The following ZNF513 variants were observed in gnomAD, a reference collection of about 807,000 sequenced individuals.
ZNF513 encodes the protein zinc finger protein 513.
A neutral mutation model predicts 39.7 loss-of-function variants in ZNF513; 16 were observed. The ratio of observed to expected loss-of-function variants is 0.40; its 90% CI spans 0.27 to 0.61. The LOEUF (loss-of-function observed/expected upper bound fraction) is 0.61, where lower values mean the gene tolerates loss of function less well. ZNF513 is among the 20% of genes least tolerant of loss of function. The probability of loss-of-function intolerance (pLI) is 0.39; values close to 1 mark genes in which losing one functional copy is unlikely to be tolerated. For missense variants in ZNF513, 699 were observed against 743.6 expected (o/e 0.94, Z 0.70); for synonymous variants, 348 against 296.5 (o/e 1.17, Z -1.79).
chr2:27,377,584 C>T lies in ZNF513; in HGVS notation c.1587G>A (p.Gly529=), dbSNP rs768272568. The T allele has an allele frequency of 9.3e-6, 15 of 1,614,082 alleles. No individual in the cohort carries two copies. The highest frequency in any genetic ancestry group is 1.3e-5 in the Non-Finnish European group (15 of 1,180,028). ...TGTGGACAGCCCGGCTGCCAGCAGT[C>T]CCCAGGGCTGGTGGGCCCCGAGAGC... The part of the protein sequence containing the change: ...VLSSRGPPAL[G]TAGSRAVHTD... Residue 529 remains glycine (G), a synonymous_variant, in exon 4 of 4, where the codon GGG becomes GGA. Coordinates refer to ENST00000323703, the MANE Select transcript of ZNF513 (RefSeq NM_144631.6). This position sits in a 1 kb window ranked among gnomAD's most constrained non-coding sequence, Gnocchi z 4.4.
rs1683353954 is a variant in ZNF513 at position 27,377,333 on chromosome 2, G to A, written c.*212C>T. 5.7e-6 allele frequency: 4 copies of A among 699,042 alleles called. No homozygotes were observed. The highest frequency in any genetic ancestry group is 1.0e-5 in the Non-Finnish European group (4 of 384,774). 43.3% of individuals were successfully genotyped at this position (699,042 alleles called of 1,614,324 possible). A position where few individuals can be genotyped will look rare whatever the true frequency, so the allele number is the denominator to read the frequency against. ...AGCCGGTTTGTCCACAGCCCCTGGG[G>A]GCAGTGGAGGTGAATACAGGGCCCT... On this transcript the variant is annotated 3_prime_UTR_variant, in exon 4 of 4. Coordinates refer to ENST00000323703, the MANE Select transcript of ZNF513 (RefSeq NM_144631.6). The surrounding 1 kb of genome is among the most constrained non-coding windows in gnomAD (Gnocchi z 4.4).
At chr2:27,379,982 A>T (rs112889370) in intron 2 of ZNF513, 111 bp downstream of exon 2, 21,177 of 1,431,626 alleles carry the variant, frequency 0.015, 194 homozygotes, top group Non-Finnish European at 0.018. Context: ...AATGTAAACT[A>T]AACCAGCCCT....
chr2:27,379,809 G>A (rs1280309238), intron 2 of ZNF513, among the ~76,000 whole-genome samples: 1 of 152,146 alleles, frequency 6.6e-6, no homozygotes, highest in African/African-American at 2.4e-5. Context: ...ATACACATAA[G>A]GAATGGGCTA....
At position 27,378,890 on chromosome 2, in the gene ZNF513, G is replaced by GC; in HGVS notation, c.375dup (p.Pro126AlafsTer4). On this transcript the variant is annotated frameshift_variant, in exon 3 of 4. Coordinates refer to ENST00000323703, the MANE Select transcript of ZNF513 (RefSeq NM_144631.6). LOFTEE classifies it high-confidence loss of function. The surrounding 1 kb of genome is among the most constrained non-coding windows in gnomAD (Gnocchi z 8.0). ...CCACAACACGGCCCCTCACCTGTCG[G>GC]CCCCCCACACAGCTGGCAGGCTGGG... is the stretch of plus-strand genomic sequence containing the variant. The GC allele has an allele frequency of 2.5e-6, 4 of 1,602,970 alleles. No individual in the cohort carries two copies. The highest frequency in any genetic ancestry group is 2.6e-6 in the Non-Finnish European group (3 of 1,174,564).
chr2:27,379,658 A>G (rs934049153), intron 2 of ZNF513, among the ~76,000 whole-genome samples: 2 of 152,218 alleles, frequency 1.3e-5, no homozygotes, highest in Non-Finnish European at 2.9e-5. Context: ...GAAGAGGGAC[A>G]TGGAAGGATA....
chr2:27,378,361 G>T lies in ZNF513; in HGVS notation c.810C>A (p.Leu270=). 6.2e-7 allele frequency: 1 copy of T among 1,603,554 alleles called. No individual in the cohort carries two copies. Among genetic ancestry groups the T allele is most frequent in the South Asian group, 1.1e-5 (1 of 91,070 alleles). ...GCACATGGAGGCTCAAATCTGGAAG[G>T]AGCAGAGCATCTGTGGGGACAAAGA... ...AVPRRPEDAL[L]LPDLSLHVPP... The change falls in exon 4 of 4, where the codon CTC becomes CTA. Residue 270 remains leucine, a synonymous_variant. Transcript: ENST00000323703. The surrounding 1 kb of genome is among the most constrained non-coding windows in gnomAD (Gnocchi z 8.0).
chr2:27,378,828 TGGGGGCAGCAGG>T lies in ZNF513; in HGVS notation c.426_437del (p.Leu143_Pro146del), dbSNP rs1156565882. ...AGAGGCGGCATGAGTACAGTAGCCG[TGGGGGCAGCAGG>T]GGCCCCCCACCCGGCCCTCCTGCCC... On this transcript the variant is annotated inframe_deletion, in exon 3 of 4. Coordinates refer to ENST00000323703, the MANE Select transcript of ZNF513 (RefSeq NM_144631.6). This position sits in a 1 kb window ranked among gnomAD's most constrained non-coding sequence, Gnocchi z 8.0. 6.2e-7 allele frequency: 1 copy of T among 1,611,588 alleles called. No homozygotes were observed. Among genetic ancestry groups the T allele is most frequent in the Non-Finnish European group, 8.5e-7 (1 of 1,179,000 alleles).
Position 27,378,828 on chromosome 2 carries a change from T to C in ZNF513, c.438A>G (p.Pro146=). Residue 146 remains proline (P), a synonymous_variant, in exon 3 of 4, where the codon CCA becomes CCG. Coordinates refer to ENST00000323703, the MANE Select transcript of ZNF513 (RefSeq NM_144631.6). The surrounding 1 kb of genome is among the most constrained non-coding windows in gnomAD (Gnocchi z 8.0). ...AGAGGCGGCATGAGTACAGTAGCCG[T>C]GGGGGCAGCAGGGGCCCCCCACCCG... ...GGPGGGPLLP[P]RLLYSCRLCT... 6.2e-7 allele frequency: 1 copy of C among 1,611,706 alleles called. No homozygotes were observed. The highest frequency in any genetic ancestry group is 8.5e-7 in the Non-Finnish European group (1 of 1,178,992).
Position 27,378,358 on chromosome 2 carries a change from A to G in ZNF513, c.813T>C (p.Leu271=). ...VPRRPEDALL[L]PDLSLHVPPG... is the part of the protein sequence containing the mutation. The stretch of plus-strand genomic sequence containing the variant: ...GTGGCACATGGAGGCTCAAATCTGG[A>G]AGGAGCAGAGCATCTGTGGGGACAA... The change falls in exon 4 of 4, where the codon CTT becomes CTC. Residue 271 remains leucine, a synonymous_variant. Transcript: ENST00000323703. This position sits in a 1 kb window ranked among gnomAD's most constrained non-coding sequence, Gnocchi z 8.0. 2 of 1,603,354 alleles carry G rather than the reference A, an allele frequency of 1.2e-6. No individual in the cohort carries two copies. Among genetic ancestry groups the G allele is most frequent in the Non-Finnish European group, 1.7e-6 (2 of 1,179,968 alleles).
chr2:27,379,054 C>T lies in ZNF513; in HGVS notation c.212G>A (p.Gly71Glu), dbSNP rs1683494622. ...QLMGFERDSE[G>E]DSLGARPGLP... ...CCCAGGCCTGGCCCCCAGAGAGTCT[C>T]CTGGTGAAATAGACATAAGAAGAGA... The change falls in exon 3 of 4, where the codon GGA (glycine) becomes GAA (glutamate). Residue 71 changes from glycine (G) to glutamate (E), a missense_variant and splice_region_variant. By Grantham distance (98) the Gly-to-Glu change is moderately conservative. This residue lies in a region of ZNF513 where 530 missense variants were observed against 499.3 expected (regional missense o/e 1.06). Coordinates refer to ENST00000323703, the MANE Select transcript of ZNF513 (RefSeq NM_144631.6). 3 of 1,612,370 alleles carry T rather than the reference C, an allele frequency of 1.9e-6. No individual in the cohort carries two copies. The highest frequency in any genetic ancestry group is 2.7e-5 in the African/African-American group (2 of 74,894).
rs61740138 is a variant in ZNF513, at chr2:27,378,293, C to G, written c.878G>C (p.Arg293Pro). ...ASFLPDCGQL[R>P]GEGEGLCGTG... ...CCCGCAGAGGCCCTCCCCTTCACCC[C>G]GCAGCTGCCCACAGTCTGGCAGGAA... is the stretch of plus-strand genomic sequence containing the variant. The change falls in exon 4 of 4, where the codon CGG becomes CCG. Residue 293 changes from arginine to proline, a missense_variant. This residue lies in a region of ZNF513 where 530 missense variants were observed against 499.3 expected (regional missense o/e 1.06). Transcript: ENST00000323703. The surrounding 1 kb of genome is among the most constrained non-coding windows in gnomAD (Gnocchi z 8.0). 7.5e-6 allele frequency: 12 copies of G among 1,600,912 alleles called. No individual in the cohort carries two copies. Among genetic ancestry groups the G allele is most frequent in the Non-Finnish European group, 1.0e-5 (12 of 1,179,962 alleles).
rs200014450 is a variant in ZNF513, at chr2:27,378,888, C to T, written c.378G>A (p.Pro126=). The T allele has an allele frequency of 2.6e-5, 42 of 1,602,376 alleles. No homozygotes were observed. The highest frequency in any genetic ancestry group is 3.2e-5 in the Non-Finnish European group (37 of 1,174,236). The part of the protein sequence containing the change: ...PGPACQLCGG[P]TGEGPCCGAG... ...CCCCACAACACGGCCCCTCACCTGT[C>T]GGCCCCCCACACAGCTGGCAGGCTG... is the stretch of plus-strand genomic sequence containing the variant. The change falls in exon 3 of 4, where the codon CCG becomes CCA. Residue 126 remains proline, a synonymous_variant. Coordinates refer to ENST00000323703, the MANE Select transcript of ZNF513 (RefSeq NM_144631.6). This position sits in a 1 kb window ranked among gnomAD's most constrained non-coding sequence, Gnocchi z 8.0.
chr2:27,377,562 G>A lies in ZNF513; in HGVS notation c.1609C>T (p.His537Tyr), dbSNP rs745760953. ...GACCTAGTTCAGGATGAGTCTGTGT[G>A]GACAGCCCGGCTGCCAGCAGTCCCC... ...ALGTAGSRAVHTDSS is the reference protein window; with the variant it reads ...ALGTAGSRAVYTDSS The change falls in exon 4 of 4, where the codon CAC (histidine) becomes TAC (tyrosine). Residue 537 changes from histidine (H) to tyrosine (Y), a missense_variant. By Grantham distance (83) the His-to-Tyr change is moderately conservative (BLOSUM62 2). This residue lies in a region of ZNF513 where 71 missense variants were observed against 64.1 expected (regional missense o/e 1.11). Coordinates refer to ENST00000323703, the MANE Select transcript of ZNF513 (RefSeq NM_144631.6). This position sits in a 1 kb window ranked among gnomAD's most constrained non-coding sequence, Gnocchi z 4.4. 3.1e-6 allele frequency: 5 copies of A among 1,613,950 alleles called. No homozygotes were observed. Among genetic ancestry groups the A allele is most frequent in the Non-Finnish European group, 4.2e-6 (5 of 1,180,042 alleles).
chr2:27,379,084 A>C, intron 2 of ZNF513, 30 bp from the exon 3 acceptor site: 1 of 1,603,426 alleles, frequency 6.2e-7, no homozygotes, highest in East Asian at 2.2e-5. Context: ...AAGAGACATC[A>C]GCATAGGGTA....
chr2:27,377,431 G>T lies in ZNF513; in HGVS notation c.*114C>A. 1 of 1,190,106 alleles carries T rather than the reference G, an allele frequency of 8.4e-7. No homozygotes were observed. Among genetic ancestry groups the T allele is most frequent in the Non-Finnish European group, 1.2e-6 (1 of 821,106 alleles). The allele number at this position is 1,190,106 out of a possible 1,614,324, so 73.7% of individuals were successfully genotyped here. A position where few individuals can be genotyped will look rare whatever the true frequency, so the allele number is the denominator to read the frequency against. The stretch of plus-strand genomic sequence containing the variant: ...CCATATGGGCCCCCCCGCCCATGGG[G>T]TTGGGCTGGTCCTTATAGTGCCTAC... On this transcript the variant is annotated 3_prime_UTR_variant, in exon 4 of 4. Coordinates refer to ENST00000323703, the MANE Select transcript of ZNF513 (RefSeq NM_144631.6). This position sits in a 1 kb window ranked among gnomAD's most constrained non-coding sequence, Gnocchi z 4.4.
chr2:27,378,281 T>C lies in ZNF513; in HGVS notation c.890A>G (p.Glu297Gly). Residue 297 changes from glutamate to glycine, a missense_variant, in exon 4 of 4, where the codon GAG becomes GGG. By Grantham distance (98) the Glu-to-Gly change is moderately conservative. Transcript: ENST00000323703. The surrounding 1 kb of genome is among the most constrained non-coding windows in gnomAD (Gnocchi z 8.0). Reference sequence around the variant, plus strand: ...TTCTGATCCAGTCCCGCAGAGGCCCTCCCCTTCACCCCGCAGCTGCCCACA... The same window carrying C: ...TTCTGATCCAGTCCCGCAGAGGCCCCCCCCTTCACCCCGCAGCTGCCCACA... Reference protein sequence around the residue: ...PDCGQLRGEGEGLCGTGSEPL... With the variant: ...PDCGQLRGEGGGLCGTGSEPL... 6.2e-7 allele frequency: 1 copy of C among 1,600,876 alleles called. No homozygotes were observed. Among genetic ancestry groups the C allele is most frequent in the Non-Finnish European group, 8.5e-7 (1 of 1,179,906 alleles).
At position 27,379,004 on chromosome 2, in the gene ZNF513, C is replaced by T; in HGVS notation, c.262G>A (p.Glu88Lys). Reference sequence around the variant, plus strand: ...CTTAGTGCCCGGCCGCCCCCAGACTCATCGTCGCTCAGCCCATAGGGAAGC... The same window carrying T: ...CTTAGTGCCCGGCCGCCCCCAGACTTATCGTCGCTCAGCCCATAGGGAAGC... ...PGLPYGLSDDESGGGRALSAE... is the reference protein window; with the variant it reads ...PGLPYGLSDDKSGGGRALSAE... Residue 88 changes from glutamate (E) to lysine (K), a missense_variant, in exon 3 of 4, where the codon GAG (glutamate) becomes AAG (lysine). This residue lies in a region of ZNF513 where 530 missense variants were observed against 499.3 expected (regional missense o/e 1.06). Coordinates refer to ENST00000323703, the MANE Select transcript of ZNF513 (RefSeq NM_144631.6). 6.2e-7 allele frequency: 1 copy of T among 1,613,182 alleles called. No homozygotes were observed. Among genetic ancestry groups the T allele is most frequent in the Non-Finnish European group, 8.5e-7 (1 of 1,180,002 alleles).
chr2:27,378,860 C>T lies in ZNF513; in HGVS notation c.406G>A (p.Gly136Arg). 1 of 1,605,434 alleles carries T rather than the reference C, an allele frequency of 6.2e-7. No individual in the cohort carries two copies. The highest frequency in any genetic ancestry group is 8.5e-7 in the Non-Finnish European group (1 of 1,176,060). ...AGCAGGGGCCCCCCACCCGGCCCTC[C>T]TGCCCCACAACACGGCCCCTCACCT... ...PTGEGPCCGA[G>R]GPGGGPLLPP... The change falls in exon 3 of 4, where the codon GGA (glycine) becomes AGA (arginine). Residue 136 changes from glycine to arginine, a missense_variant. By Grantham distance (125) the Gly-to-Arg change is moderately radical. Around this residue, in one of 3 missense-constraint regions of ZNF513, gnomAD observed 530 missense variants for 499.3 expected, o/e 1.06. Transcript: ENST00000323703. This position sits in a 1 kb window ranked among gnomAD's most constrained non-coding sequence, Gnocchi z 8.0.
rs766113876 is a variant in ZNF513 at position 27,377,816 on chromosome 2, C to T, written c.1355G>A (p.Ser452Asn). ...KPFRCSLCNY[S>N]CNQSMNLKRH... Reference sequence around the variant, plus strand: ...TTTGAGGTTCATGCTCTGGTTGCAGCTGTAGTTGCAAAGGCTACACCGAAA... The same window carrying T: ...TTTGAGGTTCATGCTCTGGTTGCAGTTGTAGTTGCAAAGGCTACACCGAAA... The change falls in exon 4 of 4, where the codon AGC becomes AAC. Residue 452 changes from serine to asparagine, a missense_variant. By Grantham distance (46) the Ser-to-Asn change is conservative (BLOSUM62 1). Transcript: ENST00000323703. This position sits in a 1 kb window ranked among gnomAD's most constrained non-coding sequence, Gnocchi z 4.4. 1 of 1,613,658 alleles carries T rather than the reference C, an allele frequency of 6.2e-7. No individual in the cohort carries two copies. Among genetic ancestry groups the T allele is most frequent in the Non-Finnish European group, 8.5e-7 (1 of 1,179,896 alleles).
Sources: allele counts gnomAD v4.1 joint callset (sites outside exome capture counted in the v4.1 genomes callset), GRCh38; gene constraint gnomAD v4.1.1; regional missense constraint gnomAD v4.1.1; non-coding constraint Gnocchi (gnomAD v3.1); transcripts MANE v1.5; gene names NCBI Gene and HGNC (gene_info 2026-07-23, HGNC 2026-07-21).